XRN1: variants seen among roughly 807,000 people sequenced by gnomAD.
The protein encoded by XRN1 is strand-exchange protein 1 homolog.
Under a neutral mutation model 222.3 loss-of-function variants are expected in XRN1, and 67 were observed. That is an observed-to-expected ratio of 0.30 (90% CI 0.25 to 0.37). The LOEUF (loss-of-function observed/expected upper bound fraction) is 0.37, where lower values mean the gene tolerates loss of function less well. Ranked by LOEUF, XRN1 falls within the 10% of genes least tolerant of loss-of-function variation. The pLI, the probability that XRN1 is intolerant of heterozygous loss-of-function variation, is 1.00. For missense variants in XRN1, 1,707 were observed against 2,000.2 expected (o/e 0.85, Z 2.80); for synonymous variants, 643 against 652.4 (o/e 0.99, Z 0.22).
intron 2 of XRN1, among the ~76,000 whole-genome samples, chr3:142,429,472 G>A (rs2069423978): frequency 6.6e-6 from 1 of 152,054 alleles, no homozygotes. Flanking sequence ...ATCTTGTCAG[G>A]AAATTTTAGT....
intron 32 of XRN1, among the ~76,000 whole-genome samples, chr3:142,353,917 CTG>C (rs1200011621): frequency 5.9e-5 from 9 of 152,074 alleles, no homozygotes; most frequent in Admixed American, 5.2e-4. Flanking sequence ...TATTCGCAAA[CTG>C]TGCATCTGAC....
chr3:142,360,015 T>C, intron 29 of XRN1, 84 bp from the exon 30 acceptor site: 2 of 822,576 alleles, frequency 2.4e-6, no homozygotes, highest in South Asian at 2.0e-5. Context: ...TGTTTGGAAG[T>C]ATTTATTATA....
chr3:142,387,802 A>G (rs1344698820), intron 20 of XRN1, among the ~76,000 whole-genome samples: 1 of 152,114 alleles, frequency 6.6e-6, no homozygotes, highest in Non-Finnish European at 1.5e-5. Flanking sequence ...TCTTCCTTGC[A>G]ATGAGGAGGA....
In XRN1 at chr3:142,308,996, G is replaced by A. The variant is rs1158784383; in HGVS notation, c.*2515C>T. On this transcript the variant is annotated 3_prime_UTR_variant, in exon 41 of 41. Coordinates refer to ENST00000392981, the MANE Select transcript of XRN1 (RefSeq NM_001282857.2). The stretch of plus-strand genomic sequence containing the variant: ...ACTCTAAATTCCAGGTCTATCAACA[G>A]ATTGTTTCCTCAACATGGGGCAGAA... The A allele has an allele frequency of 1.3e-5, 2 of 152,122 alleles. No homozygotes were observed. The highest frequency in any genetic ancestry group is 3.9e-4 in the East Asian group (2 of 5,182). The allele number at this position is 152,122 out of a possible 1,614,324, so 9.4% of individuals were successfully genotyped here. A position where few individuals can be genotyped will look rare whatever the true frequency, so the allele number is the denominator to read the frequency against.
chr3:142,312,581 A>T lies in XRN1; in HGVS notation c.4782+17T>A, dbSNP rs1007136695. On this transcript the variant is annotated intron_variant, in intron 40 of 40. Transcript: ENST00000392981. ...GCATTAAACAAATAATTATCTTAAA[A>T]ATATTATTTTTCTTACCTGCAGAGG... 5.9e-6 allele frequency: 9 copies of T among 1,527,656 alleles called. No homozygotes were observed. Among genetic ancestry groups the T allele is most frequent in the African/African-American group, 2.8e-5 (2 of 71,304 alleles). The allele number at this position is 1,527,656 out of a possible 1,614,324, so 94.6% of individuals were successfully genotyped here.
At chr3:142,439,885 A>T (rs2070117919) in intron 1 of XRN1, among the ~76,000 whole-genome samples, 1 of 152,208 alleles carries the variant, frequency 6.6e-6, no homozygotes, top group African/African-American at 2.4e-5. Flanking sequence ...GACACTTTAA[A>T]AAAGATTGTC....
intron 20 of XRN1, among the ~76,000 whole-genome samples, chr3:142,395,427 T>C (rs932938293): frequency 2.6e-5 from 4 of 152,206 alleles, no homozygotes; most frequent in Non-Finnish European, 5.9e-5. Flanking sequence ...TGAACGAGTA[T>C]ACATTGTTAT....
intron 20 of XRN1, among the ~76,000 whole-genome samples, chr3:142,392,008 CAG>C (rs930397908): frequency 3.3e-5 from 5 of 151,868 alleles, no homozygotes; most frequent in African/African-American, 1.2e-4. Flanking sequence ...CCCCCTTTTC[CAG>C]GTCTTCTTCC....
At chr3:142,412,466 C>A in intron 15 of XRN1, 78 bp downstream of exon 15, 1 of 1,410,506 alleles carries the variant, frequency 7.1e-7, no homozygotes, top group Non-Finnish European at 9.4e-7. Context: ...GTGATTAAAA[C>A]CCATTGCTCA....
chr3:142,425,152 G>T, intron 5 of XRN1, 70 bp downstream of exon 5: 1 of 1,111,914 alleles, frequency 9.0e-7, no homozygotes, highest in East Asian at 2.8e-5. Context: ...TAAGCTTCCT[G>T]TACAAAATGA....
At chr3:142,418,158 G>A (rs1008420321) in intron 12 of XRN1, 31 of 213,558 alleles carry the variant, frequency 1.5e-4, no homozygotes, top group Admixed American at 6.3e-4. Context: ...AGATGGAAGA[G>A]GTGACAGAGA....
intron 39 of XRN1, among the ~76,000 whole-genome samples, chr3:142,318,302 T>C (rs1259493969): frequency 1.3e-5 from 2 of 150,204 alleles, no homozygotes; most frequent in Non-Finnish European, 3.0e-5. Flanking sequence ...CTGAAGAAAT[T>C]ACATGATTTT....
At chr3:142,327,321 A>G (rs889715436) in intron 37 of XRN1, among the ~76,000 whole-genome samples, 2 of 151,946 alleles carry the variant, frequency 1.3e-5, no homozygotes, top group African/African-American at 4.8e-5. Context: ...TCATGGTTCA[A>G]TCTTGGTATG....
At position 142,311,391 on chromosome 3, in the gene XRN1, A is replaced by G. The variant is rs1021513430; in HGVS notation, c.*120T>C. ...TGCCTGATAACTTAAAAATGAAAAAAATTTCAATTTACACATATTATTTTA... is the reference window on the plus strand; with the variant it reads ...TGCCTGATAACTTAAAAATGAAAAAGATTTCAATTTACACATATTATTTTA... On this transcript the variant is annotated 3_prime_UTR_variant, in exon 41 of 41. Coordinates refer to ENST00000392981, the MANE Select transcript of XRN1 (RefSeq NM_001282857.2). The G allele has an allele frequency of 3.5e-5, 34 of 972,688 alleles. No individual in the cohort carries two copies. The highest frequency in any genetic ancestry group is 4.7e-5 in the Non-Finnish European group (33 of 700,394). The allele number at this position is 972,688 out of a possible 1,614,324, so 60.3% of individuals were successfully genotyped here. A position where few individuals can be genotyped will look rare whatever the true frequency, so the allele number is the denominator to read the frequency against.
In XRN1 at chr3:142,311,658, C is replaced by T. The variant is rs549697055; in HGVS notation, c.4938G>A (p.Pro1646=). ...ESSSASLKSS[P]IAQPASSFQV... ...GAAAAGAAGATGCAGGTTGAGCAAT[C>T]GGAGAGGACTTCAAAGAAGCTGATG... The change falls in exon 41 of 41, where the codon CCG becomes CCA. Residue 1646 remains proline, a synonymous_variant. Coordinates refer to ENST00000392981, the MANE Select transcript of XRN1 (RefSeq NM_001282857.2). The T allele has an allele frequency of 4.6e-5, 75 of 1,614,082 alleles. 3 individuals are homozygous for T. In the South Asian group the frequency reaches 6.9e-4, roughly 15 times the overall value.
At chr3:142,443,041 G>A (rs575593849) in intron 1 of XRN1, among the ~76,000 whole-genome samples, 20 of 152,162 alleles carry the variant, frequency 1.3e-4, no homozygotes, top group Admixed American at 1.2e-3. Flanking sequence ...CCCAATCCCT[G>A]TATCTTTAAC....
chr3:142,404,811 C>A (rs567817265), intron 16 of XRN1, 96 bp downstream of exon 16: 139 of 1,185,470 alleles, frequency 1.2e-4, no homozygotes, highest in Admixed American at 2.5e-4. Context: ...TTTGCTAATT[C>A]TCCAAACAGA....
intron 33 of XRN1, among the ~76,000 whole-genome samples, chr3:142,346,048 C>A (rs2066134973): frequency 6.6e-6 from 1 of 152,180 alleles, no homozygotes; most frequent in African/African-American, 2.4e-5. Flanking sequence ...CCCAAGAGAA[C>A]TGAAAACATA....
intron 1 of XRN1, among the ~76,000 whole-genome samples, chr3:142,443,187 G>A (rs552644323): frequency 8.5e-5 from 13 of 152,330 alleles, no homozygotes; most frequent in African/African-American, 3.1e-4. Context: ...ATGCGCTGAT[G>A]TTAATGACAT....
Sources: gnomAD v4.1 joint callset for allele counts (sites outside exome capture counted in the v4.1 genomes callset) on GRCh38, gnomAD v4.1.1 for gene constraint, MANE v1.5 for transcripts, NCBI Gene and HGNC (gene_info 2026-07-23, HGNC 2026-07-21) for gene names.